The following ADAM19 variants were observed in gnomAD, a reference collection of about 807,000 sequenced individuals.
ADAM19 encodes the protein disintegrin and metalloproteinase domain-containing protein 19.
A neutral mutation model predicts 114.7 loss-of-function variants in ADAM19; 65 were observed. The ratio of observed to expected loss-of-function variants is 0.57; its 90% CI spans 0.46 to 0.70. The LOEUF is 0.70. Among genes scored for constraint, ADAM19 ranks in the 30% least tolerant of loss-of-function variants. The pLI, the probability that ADAM19 is intolerant of heterozygous loss-of-function variation, is 0.00. For synonymous variants in ADAM19, 466 were observed against 460.5 expected (o/e 1.01, Z -0.15); for missense variants, 1,063 against 1,204.7 (o/e 0.88, Z 1.74).
At chr5:157,561,249 G>A (rs1191236619) in intron 3 of ADAM19, among the ~76,000 whole-genome samples, 2 of 152,250 alleles carry the variant, frequency 1.3e-5, no homozygotes, top group African/African-American at 2.4e-5. Flanking sequence ...TCTGCTGCCT[G>A]AGCTGAAGCT....
intron 7 of ADAM19, among the ~76,000 whole-genome samples, chr5:157,515,946 A>T (rs560082788): frequency 1.4e-4 from 22 of 152,194 alleles, no homozygotes; most frequent in African/African-American, 5.3e-4. Flanking sequence ...TACTGCTGAC[A>T]ACTCTCTCTC....
rs754566677 is a variant in ADAM19 at position 157,519,890 on chromosome 5, G to A, written c.549C>T (p.Thr183=). Residue 183 remains threonine (T), a synonymous_variant, in exon 6 of 23, where the codon ACC becomes ACT. Transcript: ENST00000257527. ...GTGTAAACTGAAGAGCCCAGTCCCT[G>A]GTGGTGGGCTTGGAGTGCTCGAACC... is the stretch of plus-strand genomic sequence containing the variant. The part of the protein sequence containing the change: ...NCGFEHSKPT[T]RDWALQFTQQ... 4 of 1,614,066 alleles carry A rather than the reference G, an allele frequency of 2.5e-6. No individual in the cohort carries two copies. In the South Asian group the frequency reaches 4.4e-5, roughly 18 times the overall value.
intron 7 of ADAM19, among the ~76,000 whole-genome samples, chr5:157,517,367 C>A (rs913260252): frequency 6.6e-6 from 1 of 152,222 alleles, no homozygotes; most frequent in Non-Finnish European, 1.5e-5. Context: ...CCTGCTCGAA[C>A]ACAGCGAGCG....
At chr5:157,503,117 C>T (rs1368337279) in intron 11 of ADAM19, 137 bp from the exon 12 acceptor site, 9 of 657,862 alleles carry the variant, frequency 1.4e-5, no homozygotes, top group South Asian at 1.1e-4. Flanking sequence ...CACACACATA[C>T]ATTCTGGCCC....
At position 157,477,782 on chromosome 5, in the gene ADAM19, A is replaced by G. The variant is rs2113676483; in HGVS notation, c.*3167T>C. On this transcript the variant is annotated 3_prime_UTR_variant, in exon 23 of 23. Coordinates refer to ENST00000257527, the MANE Select transcript of ADAM19 (RefSeq NM_033274.5). The stretch of plus-strand genomic sequence containing the variant: ...GGAAGTAGGCAGGGAGAGACTTCCA[A>G]TAAAGATTGGAAAGGCGTATTGCAG... 1.6e-6 allele frequency: 2 copies of G among 1,258,966 alleles called. No individual in the cohort carries two copies. Among genetic ancestry groups the G allele is most frequent in the South Asian group, 1.2e-5 (1 of 80,348 alleles). 78.0% of individuals were successfully genotyped at this position (1,258,966 alleles called of 1,614,324 possible).
intron 1 of ADAM19, among the ~76,000 whole-genome samples, chr5:157,573,170 T>C (rs538089902): frequency 1.3e-5 from 2 of 152,250 alleles, no homozygotes; most frequent in Admixed American, 6.5e-5. Context: ...TGTAAAAAAA[T>C]AGTGAAAGCA....
At chr5:157,520,725 C>T (rs573462412) in intron 5 of ADAM19, among the ~76,000 whole-genome samples, 19 of 152,322 alleles carry the variant, frequency 1.2e-4, no homozygotes, top group Admixed American at 1.3e-4. Context: ...AGTGATGACA[C>T]GCCTACTTGT....
chr5:157,541,917 C>A (rs76973676), intron 3 of ADAM19, among the ~76,000 whole-genome samples: 2,478 of 152,302 alleles, frequency 0.016, 56 homozygotes, highest in African/African-American at 0.056. Flanking sequence ...AACAATTTCC[C>A]ATTTACCTTG....
At chr5:157,533,957 A>T (rs906830908) in intron 4 of ADAM19, among the ~76,000 whole-genome samples, 8 of 151,504 alleles carry the variant, frequency 5.3e-5, no homozygotes, top group African/African-American at 1.9e-4. Context: ...ACCGAGCGAG[A>T]CTCTGTCTCC....
At chr5:157,571,456 A>AGGG (rs1257922179) in intron 1 of ADAM19, among the ~76,000 whole-genome samples, 1 of 152,162 alleles carries the variant, frequency 6.6e-6, no homozygotes, top group African/African-American at 2.4e-5. Context: ...AGCATAAGGT[A>AGGG]GGGGTAGCTA....
In ADAM19 at chr5:157,567,667, C is replaced by A. The variant is rs1354336138; in HGVS notation, c.181-3224G>T. Among the ~76,000 whole-genome samples the A allele has an allele frequency of 2.0e-5, 3 of 152,118 alleles. No homozygotes were observed. In the East Asian group the frequency reaches 5.8e-4, roughly 29 times the overall value. On this transcript the variant is annotated intron_variant, in intron 2 of 22. Transcript: ENST00000257527. ...ACAAAATTAGCCAGGCATGGTGGCG[C>A]ATGCCTGTAATCCCAGCTACTTGGG...
At chr5:157,489,305 C>T in intron 19 of ADAM19, 119 bp from the exon 20 acceptor site, 1 of 732,494 alleles carries the variant, frequency 1.4e-6, no homozygotes, top group Non-Finnish European at 2.4e-6. Context: ...CAAGTCTGCT[C>T]TGGAGGGAGT....
intron 5 of ADAM19, among the ~76,000 whole-genome samples, chr5:157,520,536 C>T (rs551880563): frequency 6.6e-6 from 1 of 152,162 alleles, no homozygotes; most frequent in African/African-American, 2.4e-5. Context: ...GTGAGGTGAC[C>T]GAGGTTCTGG....
At chr5:157,555,380 G>T (rs935797048) in intron 3 of ADAM19, among the ~76,000 whole-genome samples, 7 of 152,212 alleles carry the variant, frequency 4.6e-5, no homozygotes, top group Non-Finnish European at 1.0e-4. Context: ...TCAGCCAGAA[G>T]TTCCCTAAGG....
At chr5:157,501,328 G>A (rs1435523995) in intron 12 of ADAM19, among the ~76,000 whole-genome samples, 1 of 152,164 alleles carries the variant, frequency 6.6e-6, no homozygotes, top group Non-Finnish European at 1.5e-5. Context: ...CACAAGCAAG[G>A]AGGTTCCCCC....
chr5:157,505,652 C>T lies in ADAM19; in HGVS notation c.1130+17G>A, dbSNP rs769543633. ...GCCCGCCCTCCTCCCCATCCTCCCT[C>T]TTGCTGTTTGACTCACCCAGTGGCA... On this transcript the variant is annotated intron_variant, in intron 11 of 22. Transcript: ENST00000257527. 6.2e-7 allele frequency: 1 copy of T among 1,613,304 alleles called. No homozygotes were observed. Among genetic ancestry groups the T allele is most frequent in the Non-Finnish European group, 8.5e-7 (1 of 1,179,510 alleles).
rs530397510 is a variant in ADAM19 at position 157,488,130 on chromosome 5, C to T, written c.2550+135G>A. On this transcript the variant is annotated intron_variant, in intron 21 of 22. Transcript: ENST00000257527. ...GTTGCTCTAACCTGCTGTGCGCCCC[C>T]GTATTGACTGAATTGCAGAAAAGGC... The T allele has an allele frequency of 4.2e-5, 36 of 859,578 alleles. No individual in the cohort carries two copies. The African/African-American group carries it at 4.9e-4, about 12-fold the overall frequency. The allele number at this position is 859,578 out of a possible 1,614,324, so 53.2% of individuals were successfully genotyped here. A position where few individuals can be genotyped will look rare whatever the true frequency, so the allele number is the denominator to read the frequency against.
intron 3 of ADAM19, among the ~76,000 whole-genome samples, chr5:157,549,569 T>G (rs764519031): frequency 2.6e-5 from 4 of 152,212 alleles, no homozygotes; most frequent in African/African-American, 4.8e-5. Flanking sequence ...GTAACCCTCA[T>G]TAGGGAAGGC....
At chr5:157,545,398 T>C (rs1368283341) in intron 3 of ADAM19, among the ~76,000 whole-genome samples, 5 of 152,210 alleles carry the variant, frequency 3.3e-5, no homozygotes, top group Admixed American at 3.3e-4. Flanking sequence ...TGCTTCATGA[T>C]ATGCCTGGAC....
Sources: gnomAD v4.1 joint callset for allele counts (sites outside exome capture counted in the v4.1 genomes callset) on GRCh38, gnomAD v4.1.1 for gene constraint, MANE v1.5 for transcripts, NCBI Gene and HGNC (gene_info 2026-07-23, HGNC 2026-07-21) for gene names.